The following RBM47 variants were observed in gnomAD, a reference collection of about 807,000 sequenced individuals.
RBM47 encodes the protein RNA binding motif protein 47.
In RBM47, 21 loss-of-function variants were observed where a neutral mutation model predicts 47.1. That is an observed-to-expected ratio of 0.45 (90% confidence interval 0.32 to 0.64). RBM47 has a LOEUF of 0.64. Ranked by LOEUF, RBM47 falls within the 30% of genes least tolerant of loss-of-function variation. The probability of loss-of-function intolerance (pLI) is 0.05; values close to 1 mark genes in which losing one functional copy is unlikely to be tolerated. For synonymous variants in RBM47, 375 were observed against 361.7 expected (o/e 1.04, Z -0.42); for missense variants, 708 against 870.9 (o/e 0.81, Z 2.35).
At chr4:40,536,740 G>A (rs1260860895) in intron 2 of RBM47, among the ~76,000 whole-genome samples, 1 of 146,568 alleles carries the variant, frequency 6.8e-6, no homozygotes, top group Non-Finnish European at 1.5e-5. Flanking sequence ...TTTTATTGTT[G>A]TTGTTGACAG....
rs571136106 is a variant in RBM47 at position 40,438,851 on chromosome 4, C to G, written c.43G>C (p.Ala15Pro). Residue 15 changes from alanine (A) to proline (P), a missense_variant, in exon 4 of 7, where the codon GCC (alanine) becomes CCC (proline). Ala to Pro is a conservative substitution (Grantham distance 27). Coordinates refer to ENST00000295971, the MANE Select transcript of RBM47 (RefSeq NM_001098634.2). ...GGCACCTTGGCGGAGGACCCGGCGG[C>G]CGAGTCACTGCTCATGGCTGCGGTG... ...DSTAAMSSDSAAGSSAKVPEG... is the reference protein window; with the variant it reads ...DSTAAMSSDSPAGSSAKVPEG... The G allele has an allele frequency of 6.4e-7, 1 of 1,559,264 alleles. No homozygotes were observed. The highest frequency in any genetic ancestry group is 1.9e-5 in the Admixed American group (1 of 53,476).
intron 2 of RBM47, among the ~76,000 whole-genome samples, chr4:40,530,718 TTC>T (rs774512153): frequency 2.0e-5 from 3 of 152,254 alleles, no homozygotes; most frequent in Non-Finnish European, 2.9e-5. Context: ...GTCACATTCA[TTC>T]TGTCACTTTT....
Position 40,438,626 on chromosome 4 carries a change from C to T in RBM47, c.268G>A (p.Val90Met), listed in dbSNP as rs140786630. The change falls in exon 4 of 7, where the codon GTG (valine) becomes ATG (methionine). Residue 90 changes from valine (V) to methionine (M), a missense_variant. Physicochemically the swap from Val to Met is conservative, Grantham distance 21 (BLOSUM62 1). Transcript: ENST00000295971. Reference sequence around the variant, plus strand: ...TAGATGCGGCCCACGGCCTCGAACACGGGCACCAGCTCGTCCTCGTACACG... The same window carrying T: ...TAGATGCGGCCCACGGCCTCGAACATGGGCACCAGCTCGTCCTCGTACACG... ...RDVYEDELVPVFEAVGRIYEL... is the reference protein window; with the variant it reads ...RDVYEDELVPMFEAVGRIYEL... 74 of 1,613,354 alleles carry T rather than the reference C, an allele frequency of 4.6e-5. No homozygotes were observed. The highest frequency in any genetic ancestry group is 6.0e-5 in the Non-Finnish European group (71 of 1,179,670).
In RBM47 at chr4:40,548,585, C is replaced by T. The variant is rs537716061; in HGVS notation, c.-239-4079G>A. On this transcript the variant is annotated intron_variant, in intron 1 of 6. Transcript: ENST00000295971. ...TGCCGGTCAAGGTCAGTCATCATGGCGTTCAGCTGCAGCCACGGGTGACAC... is the reference window on the plus strand; with the variant it reads ...TGCCGGTCAAGGTCAGTCATCATGGTGTTCAGCTGCAGCCACGGGTGACAC... Among the ~76,000 whole-genome samples, 8 of 152,232 alleles carry T rather than the reference C, an allele frequency of 5.3e-5. No homozygotes were observed. In the East Asian group the frequency reaches 1.4e-3, roughly 26 times the overall value.
chr4:40,481,566 T>G (rs1393146379), intron 2 of RBM47, among the ~76,000 whole-genome samples: 1 of 150,586 alleles, frequency 6.6e-6, no homozygotes, highest in Non-Finnish European at 1.5e-5. Context: ...GGCTTTTTTT[T>G]TTTTTGACGG....
At chr4:40,487,446 T>C (rs912981983) in intron 2 of RBM47, among the ~76,000 whole-genome samples, 1 of 152,136 alleles carries the variant, frequency 6.6e-6, no homozygotes, top group African/African-American at 2.4e-5. Flanking sequence ...TGCACAACCA[T>C]GCCCAGCTAA....
chr4:40,501,577 T>G (rs1046882778), intron 2 of RBM47, among the ~76,000 whole-genome samples: 1 of 152,240 alleles, frequency 6.6e-6, no homozygotes, highest in African/African-American at 2.4e-5. Context: ...AAGGAATTAT[T>G]TCATTTAATT....
intron 2 of RBM47, among the ~76,000 whole-genome samples, chr4:40,515,434 A>T (rs941615023): frequency 1.3e-5 from 2 of 152,192 alleles, no homozygotes; most frequent in African/African-American, 4.8e-5. Flanking sequence ...ACTCGCTAAA[A>T]AGAGACCAAG....
chr4:40,475,632 C>T (rs1719493101), intron 2 of RBM47: 1 of 152,158 alleles, frequency 6.6e-6, no homozygotes, highest in Non-Finnish European at 1.5e-5. Flanking sequence ...ATCTAAATTG[C>T]TTTAACCAAA....
At chr4:40,534,153 A>T (rs897614914) in intron 2 of RBM47, among the ~76,000 whole-genome samples, 1 of 148,254 alleles carries the variant, frequency 6.7e-6, no homozygotes, top group African/African-American at 2.5e-5. Context: ...TTTTTTAGAG[A>T]TGGGGTCTCA....
chr4:40,611,578 A>G (rs192085303), intron 1 of RBM47, among the ~76,000 whole-genome samples: 5 of 152,232 alleles, frequency 3.3e-5, no homozygotes, highest in Non-Finnish European at 7.4e-5. Context: ...AAAAAAAAAA[A>G]ATTAGCTGGG....
chr4:40,490,219 A>C (rs547754346), intron 2 of RBM47, among the ~76,000 whole-genome samples: 2 of 152,188 alleles, frequency 1.3e-5, no homozygotes, highest in Non-Finnish European at 2.9e-5. Flanking sequence ...GAACAGCAAC[A>C]AGGATTTGCA....
chr4:40,500,318 C>T lies in RBM47; in HGVS notation c.-154-33619G>A, dbSNP rs554408152. Among the ~76,000 whole-genome samples, 7 of 147,402 alleles carry T rather than the reference C, an allele frequency of 4.7e-5. No individual in the cohort carries two copies. The East Asian group carries it at 6.0e-4, about 13-fold the overall frequency. On this transcript the variant is annotated intron_variant, in intron 2 of 6. Transcript: ENST00000295971. ...ACAAGGGCCAGACTTCGTCCCCCCC[C>T]AAAAAAAAAAGGGCTGGACTCAGCG...
At chr4:40,471,333 G>A (rs1424751380) in intron 2 of RBM47, among the ~76,000 whole-genome samples, 1 of 152,084 alleles carries the variant, frequency 6.6e-6, no homozygotes, top group Admixed American at 6.6e-5. Context: ...CTCCCAGCTG[G>A]CTTCTCCCTA....
At chr4:40,542,992 A>T (rs1728695298) in intron 2 of RBM47, 1 of 152,258 alleles carries the variant, frequency 6.6e-6, no homozygotes, top group South Asian at 2.1e-4. Flanking sequence ...ATTATGCTAC[A>T]TCTAGCACAG....
At chr4:40,451,912 G>A (rs1715501507) in intron 3 of RBM47, among the ~76,000 whole-genome samples, 1 of 152,198 alleles carries the variant, frequency 6.6e-6, no homozygotes, top group African/African-American at 2.4e-5. Flanking sequence ...GCTCATGCCT[G>A]TAATCCCAGC....
chr4:40,479,381 T>C (rs138012289), intron 2 of RBM47, among the ~76,000 whole-genome samples: 496 of 152,150 alleles, frequency 3.3e-3, no homozygotes, highest in African/African-American at 0.011. Context: ...GACAGGAGGA[T>C]TGCTTGAGCC....
intron 2 of RBM47, among the ~76,000 whole-genome samples, chr4:40,505,799 C>T (rs1176850022): frequency 2.6e-5 from 4 of 151,482 alleles, no homozygotes; most frequent in African/African-American, 4.9e-5. Flanking sequence ...GGCTGAGACA[C>T]GAGAATCACT....
intron 1 of RBM47, among the ~76,000 whole-genome samples, chr4:40,553,858 C>G (rs561644485): frequency 5.9e-5 from 9 of 152,304 alleles, no homozygotes; most frequent in African/African-American, 2.2e-4. Flanking sequence ...GAGTGCTGAA[C>G]AGTGGTTGGC....
Sources: gnomAD v4.1 joint callset for allele counts (sites outside exome capture counted in the v4.1 genomes callset) on GRCh38, gnomAD v4.1.1 for gene constraint, MANE v1.5 for transcripts, NCBI Gene and HGNC (gene_info 2026-07-23, HGNC 2026-07-21) for gene names.